CHSY3: variants seen among roughly 807,000 people sequenced by gnomAD.
CHSY3 encodes chondroitin sulfate synthase 3.
A neutral mutation model predicts 67.2 loss-of-function variants in CHSY3; 35 were observed. The observed-to-expected ratio is 0.52, with a 90% confidence interval of 0.40 to 0.69. The LOEUF is 0.69. CHSY3 is among the 30% of genes least tolerant of loss of function. CHSY3 has a pLI of 0.00. For synonymous variants in CHSY3, 474 were observed against 434.7 expected (o/e 1.09, Z -1.12); for missense variants, 1,069 against 1,138.5 (o/e 0.94, Z 0.88).
chr5:129,995,015 T>G (rs1447306931), intron 2 of CHSY3, among the ~76,000 whole-genome samples: 1 of 152,078 alleles, frequency 6.6e-6, no homozygotes, highest in Non-Finnish European at 1.5e-5. Flanking sequence ...ACCTGCACAT[T>G]GTGCACATGT....
rs978392452 is a variant in CHSY3, at chr5:129,904,647, A to G, written c.-183A>G. 89 of 962,166 alleles carry G rather than the reference A, an allele frequency of 9.2e-5. No homozygotes were observed. The highest frequency in any genetic ancestry group is 1.2e-4 in the Non-Finnish European group (88 of 751,958). 59.6% of individuals were successfully genotyped at this position (962,166 alleles called of 1,614,324 possible). Reference sequence around the variant, plus strand: ...AGAGCTGAGCGGGAGCCCGGCAGGCAGCTGCAGCCCGCGGCAGTCGAGGCG... The same window carrying G: ...AGAGCTGAGCGGGAGCCCGGCAGGCGGCTGCAGCCCGCGGCAGTCGAGGCG... On this transcript the variant is annotated 5_prime_UTR_variant, in exon 1 of 3. Coordinates refer to ENST00000305031, the MANE Select transcript of CHSY3 (RefSeq NM_175856.5).
chr5:130,039,764 C>T (rs746723392), intron 2 of CHSY3, among the ~76,000 whole-genome samples: 7 of 152,046 alleles, frequency 4.6e-5, no homozygotes, highest in Non-Finnish European at 1.0e-4. Flanking sequence ...AAGTGTGAGC[C>T]ACTGCATCCC....
At chr5:129,949,671 A>G (rs565956091) in intron 2 of CHSY3, among the ~76,000 whole-genome samples, 3 of 152,272 alleles carry the variant, frequency 2.0e-5, no homozygotes, top group East Asian at 1.9e-4. Context: ...AAAGAAAACT[A>G]TAGGCCAATA....
intron 2 of CHSY3, among the ~76,000 whole-genome samples, chr5:130,027,631 C>A (rs1415555189): frequency 6.6e-6 from 1 of 151,232 alleles, no homozygotes; most frequent in Non-Finnish European, 1.5e-5. Flanking sequence ...CTCCCCCAAC[C>A]CCACGACAGT....
At chr5:130,167,435 A>G (rs1769780165) in intron 2 of CHSY3, among the ~76,000 whole-genome samples, 1 of 152,126 alleles carries the variant, frequency 6.6e-6, no homozygotes, top group South Asian at 2.1e-4. Context: ...AAGAAGCTGG[A>G]AGATTTACAT....
intron 2 of CHSY3, among the ~76,000 whole-genome samples, chr5:130,071,742 G>A (rs979420709): frequency 6.6e-6 from 1 of 151,990 alleles, no homozygotes; most frequent in Non-Finnish European, 1.5e-5. Flanking sequence ...AAGTGGGACT[G>A]CTAATTCATA....
chr5:130,028,976 G>A (rs1288430659), intron 2 of CHSY3, among the ~76,000 whole-genome samples: 1 of 151,212 alleles, frequency 6.6e-6, no homozygotes, highest in Non-Finnish European at 1.5e-5. Flanking sequence ...CCTCCTCTCT[G>A]TCTGTCCTTC....
rs1433405052 is a variant in CHSY3, at chr5:130,143,756, A to ATATATGTG, written c.1087-40472_1087-40471insATATGTGT. ...TGTGTATATATATATATATATATAT[A>ATATATGTG]TGTGTGTGTGTGTATATATATATAT... On this transcript the variant is annotated intron_variant, in intron 2 of 2. Coordinates refer to ENST00000305031, the MANE Select transcript of CHSY3 (RefSeq NM_175856.5). Among the ~76,000 whole-genome samples the ATATATGTG allele has an allele frequency of 2.0e-5, 2 of 101,936 alleles. 1 individual carries two copies. The highest frequency in any genetic ancestry group is 9.5e-5 in the African/African-American group (2 of 20,954). 66.9% of individuals were successfully genotyped at this position (101,936 alleles called of 152,430 possible).
At chr5:130,000,758 T>G (rs1763702118) in intron 2 of CHSY3, among the ~76,000 whole-genome samples, 1 of 127,736 alleles carries the variant, frequency 7.8e-6, no homozygotes, top group Non-Finnish European at 1.7e-5. Context: ...TTTTTTTTTT[T>G]GTAGAGATGA....
intron 2 of CHSY3, among the ~76,000 whole-genome samples, chr5:130,107,708 A>G (rs1767454579): frequency 6.6e-6 from 1 of 151,618 alleles, no homozygotes; most frequent in South Asian, 2.1e-4. Context: ...TACACAGAAT[A>G]GATACAAAGT....
intron 2 of CHSY3, among the ~76,000 whole-genome samples, chr5:129,995,390 C>T (rs2149633828): frequency 6.6e-6 from 1 of 152,066 alleles, no homozygotes; most frequent in African/African-American, 2.4e-5. Context: ...GGCCTCTGCA[C>T]ATCCATAAGC....
intron 2 of CHSY3, among the ~76,000 whole-genome samples, chr5:129,980,299 TTC>T (rs1762945355): frequency 6.6e-6 from 1 of 152,246 alleles, no homozygotes; most frequent in Non-Finnish European, 1.5e-5. Flanking sequence ...TAGTATCTCA[TTC>T]TTGTTTTAAT....
At chr5:130,052,917 G>T (rs1050817778) in intron 2 of CHSY3, among the ~76,000 whole-genome samples, 1 of 152,034 alleles carries the variant, frequency 6.6e-6, no homozygotes, top group Non-Finnish European at 1.5e-5. Flanking sequence ...GCCCAGAAGA[G>T]ACAGGAAGCT....
At chr5:129,916,741 T>C (rs1760741159) in intron 2 of CHSY3, among the ~76,000 whole-genome samples, 1 of 152,214 alleles carries the variant, frequency 6.6e-6, no homozygotes, top group African/African-American at 2.4e-5. Context: ...ATTGAGCAGT[T>C]TTTATCAGCA....
At chr5:129,904,320 C>T (rs1760138870), upstream of CHSY3, among the ~76,000 whole-genome samples, 1 of 151,992 alleles carries the variant, frequency 6.6e-6, no homozygotes, top group Admixed American at 6.5e-5. Context: ...GGAAATACCG[C>T]GGCCCGCGCT....
intron 2 of CHSY3, among the ~76,000 whole-genome samples, chr5:130,144,480 A>G (rs989917807): frequency 1.3e-5 from 2 of 152,220 alleles, no homozygotes; most frequent in Non-Finnish European, 2.9e-5. Context: ...ACTAAAAACT[A>G]TAAACCATTA....
chr5:130,026,907 G>C (rs1764559806), intron 2 of CHSY3, among the ~76,000 whole-genome samples: 1 of 152,120 alleles, frequency 6.6e-6, no homozygotes, highest in African/African-American at 2.4e-5. Context: ...GGCCATGTGT[G>C]TGTGTGCATT....
At chr5:130,107,636 T>G (rs968126071) in intron 2 of CHSY3, among the ~76,000 whole-genome samples, 1 of 151,682 alleles carries the variant, frequency 6.6e-6, no homozygotes, top group Non-Finnish European at 1.5e-5. Context: ...TAGTATTACA[T>G]GTTTATTGTC....
chr5:130,159,037 C>T (rs997627732), intron 2 of CHSY3, among the ~76,000 whole-genome samples: 4 of 151,934 alleles, frequency 2.6e-5, no homozygotes, highest in Non-Finnish European at 4.4e-5. Context: ...TGAGTGCAAG[C>T]GATCTGCCTG....
Sources: gnomAD v4.1 joint callset for allele counts (sites outside exome capture counted in the v4.1 genomes callset) on GRCh38, gnomAD v4.1.1 for gene constraint, MANE v1.5 for transcripts, NCBI Gene and HGNC (gene_info 2026-07-23, HGNC 2026-07-21) for gene names.